Variants in HACD4 observed in about 807,000 individuals in gnomAD.
HACD4 encodes the protein very-long-chain (3R)-3-hydroxyacyl-CoA dehydratase 4.
In HACD4, 35 loss-of-function variants were observed where a neutral mutation model predicts 33.3. That is an observed-to-expected ratio of 1.05 (90% CI 0.80 to 1.39). The LOEUF (loss-of-function observed/expected upper bound fraction) is 1.39. Among genes scored for constraint, HACD4 ranks in the 40% most tolerant of loss-of-function variants. The pLI is 0.00. For synonymous variants in HACD4, 118 were observed against 98.0 expected (o/e 1.20, Z -1.21); for missense variants, 323 against 276.5 (o/e 1.17, Z -1.19).
At chr9:21,018,509 C>G (rs2132785272) in intron 3 of HACD4, among the ~76,000 whole-genome samples, 1 of 152,268 alleles carries the variant, frequency 6.6e-6, no homozygotes, top group Admixed American at 6.5e-5. Context: ...AAAACAAGAG[C>G]CTCCTTGATT....
chr9:21,018,848 G>C (rs1817826211), intron 3 of HACD4, among the ~76,000 whole-genome samples: 1 of 151,996 alleles, frequency 6.6e-6, no homozygotes, highest in Non-Finnish European at 1.5e-5. Context: ...TAAACTCCAG[G>C]TTGAGCAAAA....
chr9:21,026,716 C>T lies in HACD4; in HGVS notation c.150G>A (p.Met50Ile). 4 of 1,613,252 alleles carry T rather than the reference C, an allele frequency of 2.5e-6. No individual in the cohort carries two copies. Among genetic ancestry groups the T allele is most frequent in the Non-Finnish European group, 3.4e-6 (4 of 1,179,554 alleles). ...GTCCAATAGCATAAAAAGTGTCAAC[C>T]ATTGAATCTGTATCCCGTGGGTTAA... ...VRFFSFGKDSMVDTFYAIGLV... is the reference protein window; with the variant it reads ...VRFFSFGKDSIVDTFYAIGLV... Residue 50 changes from methionine to isoleucine, a missense_variant, in exon 3 of 7, where the codon ATG (methionine) becomes ATA (isoleucine). Met to Ile is a conservative substitution (Grantham distance 10). Transcript: ENST00000495827.
rs1277426855 is a variant in HACD4, at chr9:21,011,626, T to C, written c.453A>G (p.Leu151=). Residue 151 remains leucine (L), a synonymous_variant, in exon 5 of 7, where the codon CTA becomes CTG. Transcript: ENST00000495827. ...CACACAAAGGATAAATTGGCATCCA[T>C]AGTGTTTGACTGAGCCATGTCAAGA... The part of the protein sequence containing the change: ...YAVLTWLSQT[L]WMPIYPLCVL... The C allele has an allele frequency of 5.0e-6, 8 of 1,611,122 alleles. No individual in the cohort carries two copies. Among genetic ancestry groups the C allele is most frequent in the Non-Finnish European group, 6.8e-6 (8 of 1,177,606 alleles).
intron 3 of HACD4, among the ~76,000 whole-genome samples, chr9:21,020,749 T>A (rs1489777517): frequency 6.6e-6 from 1 of 152,222 alleles, no homozygotes; most frequent in Non-Finnish European, 1.5e-5. Flanking sequence ...TATTTTCTTA[T>A]ATGATTTTTA....
chr9:21,011,488 C>G, intron 5 of HACD4, 101 bp downstream of exon 5: 3 of 733,928 alleles, frequency 4.1e-6, no homozygotes, highest in Non-Finnish European at 7.2e-6. Context: ...GTGAGCTAAG[C>G]ATTCGCAAAA....
intron 3 of HACD4, 148 bp from the exon 4 acceptor site, chr9:21,016,158 G>C (rs571591658): frequency 1.9e-5 from 10 of 529,472 alleles, no homozygotes; most frequent in Middle Eastern, 5.0e-4. Context: ...CCCTCTGAGA[G>C]AGTAGGGTTA....
intron 4 of HACD4, among the ~76,000 whole-genome samples, chr9:21,013,944 T>C (rs934403283): frequency 1.3e-5 from 2 of 152,232 alleles, no homozygotes; most frequent in African/African-American, 4.8e-5. Flanking sequence ...TTCTGCCTTA[T>C]TGCCATGGAT....
rs1193935724 is a variant in HACD4 at position 21,000,427 on chromosome 9, A to AAAC, written c.*6607_*6609dup. ...TTTAGACTCAAAAGCAGTGGTTCTCAAACTTTTCTGTGCATGAGGCTCATT... is the reference window on the plus strand; with the variant it reads ...TTTAGACTCAAAAGCAGTGGTTCTCAAACAACTTTTCTGTGCATGAGGCTCATT... On this transcript the variant is annotated 3_prime_UTR_variant, in exon 7 of 7. Coordinates refer to ENST00000495827, the MANE Select transcript of HACD4 (RefSeq NM_001010915.5). The AAAC allele has an allele frequency of 6.6e-6, 1 of 152,152 alleles. No homozygotes were observed. Among genetic ancestry groups the AAAC allele is most frequent in the African/African-American group, 2.4e-5 (1 of 41,472 alleles). The allele number at this position is 152,152 out of a possible 1,614,324, so 9.4% of individuals were successfully genotyped here.
At chr9:21,022,820 A>T (rs893305079) in intron 3 of HACD4, among the ~76,000 whole-genome samples, 25 of 152,000 alleles carry the variant, frequency 1.6e-4, no homozygotes, top group African/African-American at 5.6e-4. Flanking sequence ...CGATTCCTCA[A>T]GGATCTAGAA....
chr9:21,010,738 C>T (rs1054664350), intron 5 of HACD4, among the ~76,000 whole-genome samples: 1 of 152,068 alleles, frequency 6.6e-6, no homozygotes, highest in African/African-American at 2.4e-5. Flanking sequence ...AATGCAGAAT[C>T]AGTGGGAGCC....
At chr9:21,028,144 AAAAAAAAGAAAAAAG>A (rs1472139421) in intron 2 of HACD4, among the ~76,000 whole-genome samples, 65 of 151,366 alleles carry the variant, frequency 4.3e-4, no homozygotes, top group Admixed American at 1.4e-3. Flanking sequence ...TCAAAAAAAA[AAAAAAAAGAAAAAAG>A]AAAAGAAAAA....
At chr9:21,021,707 C>T (rs1051669143) in intron 3 of HACD4, among the ~76,000 whole-genome samples, 1 of 152,114 alleles carries the variant, frequency 6.6e-6, no homozygotes, top group African/African-American at 2.4e-5. Context: ...GAACTACAAA[C>T]CACTGCTCAA....
rs527451124 is a variant in HACD4, at chr9:21,011,644, T to G, written c.435A>C (p.Thr145=). 26 of 1,612,158 alleles carry G rather than the reference T, an allele frequency of 1.6e-5. No individual in the cohort carries two copies. In the East Asian group the frequency reaches 4.9e-4, roughly 30 times the overall value. The change falls in exon 5 of 7, where the codon ACA becomes ACC. Residue 145 remains threonine, a synonymous_variant. Transcript: ENST00000495827. ...SVIGISYAVL[T]WLSQTLWMPI... is the part of the protein sequence containing the mutation. The stretch of plus-strand genomic sequence containing the variant: ...GCATCCATAGTGTTTGACTGAGCCA[T>G]GTCAAGACAGCATAGGATATTCCTA...
Position 21,026,674 on chromosome 9 carries a change from G to A in HACD4, c.192C>T (p.Cys64=). The A allele has an allele frequency of 1.2e-6, 2 of 1,612,998 alleles. No homozygotes were observed. The highest frequency in any genetic ancestry group is 1.1e-5 in the South Asian group (1 of 91,042). Residue 64 remains cysteine (C), a synonymous_variant, in exon 3 of 7, where the codon TGC becomes TGT. Coordinates refer to ENST00000495827, the MANE Select transcript of HACD4 (RefSeq NM_001010915.5). The stretch of plus-strand genomic sequence containing the variant: ...GCAGTTCCAGGAGAGATACGGATTG[G>A]CAAAGTCGCATCACAAGTCCAATAG... ...FYAIGLVMRL[C]QSVSLLELLH...
At position 21,011,644 on chromosome 9, in the gene HACD4, T is replaced by C. The variant is rs527451124; in HGVS notation, c.435A>G (p.Thr145=). The C allele has an allele frequency of 3.7e-6, 6 of 1,612,040 alleles. No individual in the cohort carries two copies. Among genetic ancestry groups the C allele is most frequent in the Admixed American group, 3.3e-5 (2 of 59,936 alleles). ...SVIGISYAVL[T]WLSQTLWMPI... Reference sequence around the variant, plus strand: ...GCATCCATAGTGTTTGACTGAGCCATGTCAAGACAGCATAGGATATTCCTA... The same window carrying C: ...GCATCCATAGTGTTTGACTGAGCCACGTCAAGACAGCATAGGATATTCCTA... Residue 145 remains threonine (T), a synonymous_variant, in exon 5 of 7, where the codon ACA becomes ACG. Coordinates refer to ENST00000495827, the MANE Select transcript of HACD4 (RefSeq NM_001010915.5).
rs1818148440 is a variant in HACD4, at chr9:21,029,389, C to A, written c.48G>T (p.Lys16Asn). 1.3e-6 allele frequency: 2 copies of A among 1,561,762 alleles called. No homozygotes were observed. Among genetic ancestry groups the A allele is most frequent in the Non-Finnish European group, 1.8e-6 (2 of 1,137,278 alleles). ...AGTAATAGATGAAAAGATACGCATTCTTCCTATACCTATAAATACAGGAAA... is the reference window on the plus strand; with the variant it reads ...AGTAATAGATGAAAAGATACGCATTATTCCTATACCTATAAATACAGGAAA... ...LPAWLQPRYR[K>N]NAYLFIYYLI... The change falls in exon 2 of 7, where the codon AAG becomes AAT. Residue 16 changes from lysine to asparagine, a missense_variant. By Grantham distance (94) the Lys-to-Asn change is moderately conservative (BLOSUM62 0). Coordinates refer to ENST00000495827, the MANE Select transcript of HACD4 (RefSeq NM_001010915.5).
chr9:21,030,671 GTA>G (rs755679962), intron 1 of HACD4, among the ~76,000 whole-genome samples: 2 of 152,182 alleles, frequency 1.3e-5, no homozygotes, highest in Non-Finnish European at 2.9e-5. Context: ...ATTGAGGTTA[GTA>G]TTAACATCTT....
chr9:21,016,851 A>G (rs1842567349), intron 3 of HACD4, among the ~76,000 whole-genome samples: 1 of 152,082 alleles, frequency 6.6e-6, no homozygotes. Flanking sequence ...AGAAAATGAA[A>G]AGAATTCAAT....
At chr9:21,026,873 T>C in intron 2 of HACD4, 150 bp from the exon 3 acceptor site, 1 of 618,552 alleles carries the variant, frequency 1.6e-6, no homozygotes, top group South Asian at 2.0e-5. Context: ...ACTAAATTAT[T>C]AACAATACAA....
Sources: allele counts gnomAD v4.1 joint callset (sites outside exome capture counted in the v4.1 genomes callset), GRCh38; gene constraint gnomAD v4.1.1; transcripts MANE v1.5; gene names NCBI Gene and HGNC (gene_info 2026-07-23, HGNC 2026-07-21).